Variants in MAML2 observed in about 807,000 individuals in gnomAD.
MAML2 encodes mastermind like transcriptional coactivator 2.
In MAML2, 22 loss-of-function variants were observed where a neutral mutation model predicts 96.1. The ratio of observed to expected loss-of-function variants is 0.23; its 90% confidence interval spans 0.16 to 0.33. The LOEUF (loss-of-function observed/expected upper bound fraction) is 0.33, where lower values mean the gene tolerates loss of function less well. Ranked by LOEUF, MAML2 falls within the 10% of genes least tolerant of loss-of-function variation. The probability of loss-of-function intolerance (pLI) is 1.00; values close to 1 mark genes in which losing one functional copy is unlikely to be tolerated. For synonymous variants in MAML2, 561 were observed against 521.3 expected (o/e 1.08, Z -1.04); for missense variants, 1,367 against 1,392.4 (o/e 0.98, Z 0.29).
intron 2 of MAML2, among the ~76,000 whole-genome samples, chr11:96,076,432 TCACACACA>T (rs57102762): frequency 0.097 from 9,986 of 103,082 alleles, 917 homozygotes; most frequent in African/African-American, 0.24. Context: ...TCTCTCTCTC[TCACACACA>T]CACACACACA....
intron 1 of MAML2, among the ~76,000 whole-genome samples, chr11:96,118,345 A>G (rs534650817): frequency 9.9e-5 from 15 of 152,242 alleles, no homozygotes; most frequent in African/African-American, 3.6e-4. Flanking sequence ...CATTTTCCCC[A>G]TGGTTTTTCT....
rs750799910 is a variant in MAML2 at position 96,256,731 on chromosome 11, G to A, written c.513+84652C>T. Among the ~76,000 whole-genome samples, 9 of 152,152 alleles carry A rather than the reference G, an allele frequency of 5.9e-5. No homozygotes were observed. In the South Asian group the frequency reaches 6.2e-4, roughly 11 times the overall value. ...TAATGAATCAATACAGGCATTCCTCGTCCACAGTCAACTCTTGAGCTAGAC... is the reference window on the plus strand; with the variant it reads ...TAATGAATCAATACAGGCATTCCTCATCCACAGTCAACTCTTGAGCTAGAC... On this transcript the variant is annotated intron_variant, in intron 1 of 4. Coordinates refer to ENST00000524717, the MANE Select transcript of MAML2 (RefSeq NM_032427.4).
At chr11:96,322,614 C>T (rs1191314966) in intron 1 of MAML2, among the ~76,000 whole-genome samples, 3 of 152,078 alleles carry the variant, frequency 2.0e-5, no homozygotes, top group Non-Finnish European at 4.4e-5. Context: ...ATGGCGTGAA[C>T]CCGGAAGGCG....
intron 1 of MAML2, among the ~76,000 whole-genome samples, chr11:96,207,966 T>G (rs2135936031): frequency 6.6e-6 from 1 of 152,344 alleles, no homozygotes; most frequent in East Asian, 1.9e-4. Flanking sequence ...GCTGTCTTCC[T>G]GTTTTCTCCA....
intron 1 of MAML2, among the ~76,000 whole-genome samples, chr11:96,312,359 C>T (rs1277959808): frequency 6.6e-6 from 1 of 151,406 alleles, no homozygotes; most frequent in Non-Finnish European, 1.5e-5. Flanking sequence ...CTTCTTTAAT[C>T]ACCCAATGAG....
At position 96,261,743 on chromosome 11, in the gene MAML2, C is replaced by T. The variant is rs76216526; in HGVS notation, c.513+79640G>A. On this transcript the variant is annotated intron_variant, in intron 1 of 4. Transcript: ENST00000524717. ...TTGACTACCTGAGCTCCATATTATT[C>T]GTCTATAAAATAAGGAAGTGTTCAA... Among the ~76,000 whole-genome samples the T allele has an allele frequency of 9.8e-3, 1,492 of 152,172 alleles. 25 individuals carry two copies. Among genetic ancestry groups the T allele is most frequent in the African/African-American group, 0.033 (1,368 of 41,520 alleles).
intron 1 of MAML2, among the ~76,000 whole-genome samples, chr11:96,327,125 C>T (rs149876613): frequency 1.3e-3 from 199 of 152,274 alleles, no homozygotes; most frequent in African/African-American, 2.6e-3. Context: ...GGTAGACAGG[C>T]AGGTCTCTCC....
intron 2 of MAML2, among the ~76,000 whole-genome samples, chr11:96,009,617 C>T (rs185212108): frequency 1.3e-5 from 2 of 152,302 alleles, no homozygotes; most frequent in Admixed American, 1.3e-4. Context: ...TACTGCACTG[C>T]TCTTCAGAAG....
At chr11:96,018,337 G>A (rs1858386546) in intron 2 of MAML2, among the ~76,000 whole-genome samples, 1 of 152,170 alleles carries the variant, frequency 6.6e-6, no homozygotes, top group Non-Finnish European at 1.5e-5. Flanking sequence ...TATGAGTCTG[G>A]AGTTCAGGAG....
chr11:96,181,844 A>G (rs1861491752), intron 1 of MAML2, among the ~76,000 whole-genome samples: 1 of 132,794 alleles, frequency 7.5e-6, no homozygotes, highest in South Asian at 2.4e-4. Flanking sequence ...TCACTGATCA[A>G]TTCTTTTCTA....
At chr11:96,091,782 C>T (rs1423194230) in intron 2 of MAML2, 110 bp downstream of exon 2, 1 of 1,431,514 alleles carries the variant, frequency 7.0e-7, no homozygotes, top group Non-Finnish European at 9.3e-7. Context: ...AAGACCACTA[C>T]TGTCTTTGGT....
chr11:96,106,980 C>CT (rs71040129), intron 1 of MAML2, among the ~76,000 whole-genome samples: 23 of 90,320 alleles, frequency 2.5e-4, no homozygotes, highest in Middle Eastern at 7.0e-3. Context: ...GAAAAGAGTC[C>CT]TTTTTTTTTT....
rs1857682812 is a variant in MAML2, at chr11:95,978,554, T to C, written c.*394A>G. 5 of 232,478 alleles carry C rather than the reference T, an allele frequency of 2.2e-5. No individual in the cohort carries two copies. The highest frequency in any genetic ancestry group is 4.2e-5 in the Non-Finnish European group (5 of 118,580). 14.4% of individuals were successfully genotyped at this position (232,478 alleles called of 1,614,324 possible). A position where few individuals can be genotyped will look rare whatever the true frequency, so the allele number is the denominator to read the frequency against. On this transcript the variant is annotated 3_prime_UTR_variant, in exon 5 of 5. Coordinates refer to ENST00000524717, the MANE Select transcript of MAML2 (RefSeq NM_032427.4). ...ATCTATTAGAGCAAATTAAGGAGTT[T>C]GTTGCTTGGAACTAGTACCTCCTCA...
rs1394528433 is a variant in MAML2 at position 96,148,689 on chromosome 11, CACACACACACACACACACAT to C, written c.514-55192_514-55173del. Reference sequence around the variant, plus strand: ...ACACACACACACACACACACACACACACACACACACACACACACATAAGCACGCACACTACCTGATAGGAG... The same window carrying C: ...ACACACACACACACACACACACACACAAGCACGCACACTACCTGATAGGAG... On this transcript the variant is annotated intron_variant, in intron 1 of 4. Coordinates refer to ENST00000524717, the MANE Select transcript of MAML2 (RefSeq NM_032427.4). Among the ~76,000 whole-genome samples the C allele has an allele frequency of 2.8e-3, 421 of 150,282 alleles. 4 individuals carry two copies. Among genetic ancestry groups the C allele is most frequent in the African/African-American group, 9.7e-3 (401 of 41,256 alleles).
chr11:96,002,552 TGATGAA>T (rs1226461503), intron 2 of MAML2, among the ~76,000 whole-genome samples: 2 of 88,844 alleles, frequency 2.3e-5, no homozygotes, highest in East Asian at 5.0e-4. Context: ...ATGATGGGGA[TGATGAA>T]GATGATGGGG....
chr11:96,185,014 A>G (rs1861551572), intron 1 of MAML2, among the ~76,000 whole-genome samples: 1 of 152,188 alleles, frequency 6.6e-6, no homozygotes, highest in African/African-American at 2.4e-5. Flanking sequence ...GAAACTTAAG[A>G]GTTCCTTCCT....
chr11:96,271,588 G>A (rs1370569263), intron 1 of MAML2, among the ~76,000 whole-genome samples: 2 of 152,128 alleles, frequency 1.3e-5, no homozygotes, highest in African/African-American at 2.4e-5. Context: ...GGTTTTATAA[G>A]GGGCTTTTCC....
rs1232742568 is a variant in MAML2, at chr11:95,979,799, G to A, written c.2620C>T (p.Pro874Ser). The A allele has an allele frequency of 6.2e-7, 1 of 1,613,902 alleles. No homozygotes were observed. The highest frequency in any genetic ancestry group is 8.5e-7 in the Non-Finnish European group (1 of 1,179,854). ...VQNMGMYGNL[P>S]CNQPNTYSVT... Reference sequence around the variant, plus strand: ...CTGTATGTGTTAGGTTGATTACAAGGCAGATTTCCATACATCCCCATATTC... The same window carrying A: ...CTGTATGTGTTAGGTTGATTACAAGACAGATTTCCATACATCCCCATATTC... The change falls in exon 5 of 5, where the codon CCT (proline) becomes TCT (serine). Residue 874 changes from proline (P) to serine (S), a missense_variant. Coordinates refer to ENST00000524717, the MANE Select transcript of MAML2 (RefSeq NM_032427.4).
chr11:96,332,117 T>C (rs761629017), intron 1 of MAML2, among the ~76,000 whole-genome samples: 1 of 152,350 alleles, frequency 6.6e-6, no homozygotes, highest in Non-Finnish European at 1.5e-5. Context: ...GGTGCTACTC[T>C]GTTTTCATTT....
Sources: gnomAD v4.1 joint callset for allele counts (sites outside exome capture counted in the v4.1 genomes callset) on GRCh38, gnomAD v4.1.1 for gene constraint, MANE v1.5 for transcripts, NCBI Gene and HGNC (gene_info 2026-07-23, HGNC 2026-07-21) for gene names.